SGCZ: variants seen among roughly 807,000 people sequenced by gnomAD.
The protein encoded by SGCZ is zeta-sarcoglycan.
SGCZ carries 40 observed loss-of-function variants against 41.3 expected under a neutral mutation model. That is an observed-to-expected ratio of 0.97 (90% CI 0.75 to 1.26). SGCZ has a LOEUF of 1.26. SGCZ is among the 50% of genes most tolerant of loss of function. SGCZ has a pLI of 0.00. For synonymous variants in SGCZ, 206 were observed against 137.5 expected, an observed-to-expected ratio of 1.50 and a Z score of -3.49; for missense variants, 552 against 369.8, an observed-to-expected ratio of 1.49 and a Z score of -4.04.
chr8:14,817,096 C>G (rs1801927374), intron 1 of SGCZ, among the ~76,000 whole-genome samples: 1 of 152,136 alleles, frequency 6.6e-6, no homozygotes, highest in African/African-American at 2.4e-5. Context: ...GGTTCATCTC[C>G]CCTTCCCAGT....
chr8:14,808,996 C>T (rs1030327220), intron 1 of SGCZ, among the ~76,000 whole-genome samples: 14 of 150,668 alleles, frequency 9.3e-5, no homozygotes, highest in Middle Eastern at 3.4e-3. Flanking sequence ...AACCAAACAC[C>T]GCATATTCTC....
At chr8:14,321,331 G>C (rs1278882678) in intron 3 of SGCZ, among the ~76,000 whole-genome samples, 3 of 152,006 alleles carry the variant, frequency 2.0e-5, no homozygotes, top group African/African-American at 7.2e-5. Flanking sequence ...CTGAAGAAGG[G>C]TGTGAATTGC....
intron 2 of SGCZ, among the ~76,000 whole-genome samples, chr8:14,392,914 T>C (rs906388500): frequency 1.3e-5 from 2 of 152,182 alleles, no homozygotes; most frequent in Admixed American, 6.6e-5. Flanking sequence ...TTTATATTTT[T>C]ACCCTTTTAA....
intron 2 of SGCZ, among the ~76,000 whole-genome samples, chr8:14,494,139 T>C (rs1423306060): frequency 1.3e-5 from 2 of 152,084 alleles, no homozygotes; most frequent in East Asian, 1.9e-4. Context: ...TCACTGTTTC[T>C]ATGAAAAAAG....
intron 5 of SGCZ, among the ~76,000 whole-genome samples, chr8:14,108,473 C>A (rs901850543): frequency 1.3e-5 from 2 of 152,014 alleles, no homozygotes; most frequent in Non-Finnish European, 2.9e-5. Flanking sequence ...TGGCGGGAGG[C>A]AACAGGCACT....
At chr8:14,150,470 A>T (rs929315200) in intron 5 of SGCZ, among the ~76,000 whole-genome samples, 1 of 152,188 alleles carries the variant, frequency 6.6e-6, no homozygotes, top group Non-Finnish European at 1.5e-5. Context: ...CTACAAGGAG[A>T]TGTCATCTTA....
intron 1 of SGCZ, among the ~76,000 whole-genome samples, chr8:15,212,778 T>C (rs1801275673): frequency 6.6e-6 from 1 of 152,068 alleles, no homozygotes; most frequent in African/African-American, 2.4e-5. Flanking sequence ...AGACATATTT[T>C]CTCAAAGTAC....
At chr8:14,523,291 TTTA>T (rs1462742440) in intron 2 of SGCZ, among the ~76,000 whole-genome samples, 1 of 151,990 alleles carries the variant, frequency 6.6e-6, no homozygotes, top group African/African-American at 2.4e-5. Context: ...TCATTTCCCT[TTTA>T]TTATTTTATT....
rs527681155 is a variant in SGCZ, at chr8:14,347,944, T to A, written c.235-23740A>T. Among the ~76,000 whole-genome samples the A allele has an allele frequency of 2.6e-5, 4 of 152,292 alleles. No homozygotes were observed. In the East Asian group the frequency reaches 7.7e-4, roughly 29 times the overall value. The stretch of plus-strand genomic sequence containing the variant: ...CTAAACTGAGAATATAGCATTAAAA[T>A]GTACTTTGCAACTCCCTCTTTCTCT... On this transcript the variant is annotated intron_variant, in intron 2 of 7. Coordinates refer to ENST00000382080, the MANE Select transcript of SGCZ (RefSeq NM_139167.4).
chr8:14,567,023 G>A (rs1434164626), intron 1 of SGCZ, among the ~76,000 whole-genome samples: 1 of 152,228 alleles, frequency 6.6e-6, no homozygotes, highest in African/African-American at 2.4e-5. Context: ...CCCCAGCAGT[G>A]CCGGCTCCCC....
At chr8:15,232,364 A>G (rs1801970332) in intron 1 of SGCZ, among the ~76,000 whole-genome samples, 1 of 152,126 alleles carries the variant, frequency 6.6e-6, no homozygotes, top group South Asian at 2.1e-4. Flanking sequence ...TCAATTGGTA[A>G]ACTCTGGAGA....
intron 1 of SGCZ, among the ~76,000 whole-genome samples, chr8:15,113,174 A>G (rs1294740404): frequency 2.7e-5 from 4 of 150,364 alleles, no homozygotes; most frequent in Non-Finnish European, 5.9e-5. Context: ...ACGCCACTGC[A>G]CTCTAGCCTG....
intron 1 of SGCZ, among the ~76,000 whole-genome samples, chr8:15,203,572 T>C (rs1274694674): frequency 6.6e-6 from 1 of 152,208 alleles, no homozygotes; most frequent in Non-Finnish European, 1.5e-5. Context: ...CGGTTTGATT[T>C]AGAAGACTAA....
intron 1 of SGCZ, among the ~76,000 whole-genome samples, chr8:14,719,197 G>A (rs1397205969): frequency 6.7e-6 from 1 of 149,434 alleles, no homozygotes; most frequent in African/African-American, 2.5e-5. Flanking sequence ...CATTTTTTAT[G>A]GCTGCATAGT....
rs565416806 is a variant in SGCZ, at chr8:14,769,793, T to TAAAAAAAAAAAAAA, written c.40-214881_40-214868dup. Among the ~76,000 whole-genome samples the TAAAAAAAAAAAAAA allele has an allele frequency of 3.3e-3, 174 of 52,052 alleles. 1 individual carries two copies. The highest frequency in any genetic ancestry group is 6.9e-3 in the East Asian group (13 of 1,886). 34.1% of individuals were successfully genotyped at this position (52,052 alleles called of 152,430 possible). A position where few individuals can be genotyped will look rare whatever the true frequency, so the allele number is the denominator to read the frequency against. The stretch of plus-strand genomic sequence containing the variant: ...CTGGGCGACAAGAGCAAAACACCAT[T>TAAAAAAAAAAAAAA]AAAAAAAAAAAAAAAAAAAAAACCC... On this transcript the variant is annotated intron_variant, in intron 1 of 7. Transcript: ENST00000382080.
At chr8:14,707,863 G>A (rs992148299) in intron 1 of SGCZ, among the ~76,000 whole-genome samples, 7 of 151,950 alleles carry the variant, frequency 4.6e-5, no homozygotes, top group Non-Finnish European at 8.8e-5. Context: ...TGATTAACTC[G>A]AATTTAAAAT....
chr8:14,647,369 T>C (rs1368069294), intron 1 of SGCZ, among the ~76,000 whole-genome samples: 1 of 152,038 alleles, frequency 6.6e-6, no homozygotes, highest in Non-Finnish European at 1.5e-5. Flanking sequence ...TAAAAGGACA[T>C]ACATTAGTAA....
chr8:15,081,265 A>G (rs1805737336), intron 1 of SGCZ, among the ~76,000 whole-genome samples: 1 of 152,152 alleles, frequency 6.6e-6, no homozygotes. Flanking sequence ...TTCCGCATTT[A>G]CAGTGTGATT....
At chr8:15,221,749 C>A (rs1199651890) in intron 1 of SGCZ, among the ~76,000 whole-genome samples, 1 of 152,018 alleles carries the variant, frequency 6.6e-6, no homozygotes, top group African/African-American at 2.4e-5. Flanking sequence ...TTTTTTTAAA[C>A]AAAATTTAAC....
Sources: allele counts gnomAD v4.1 joint callset (sites outside exome capture counted in the v4.1 genomes callset), GRCh38; gene constraint gnomAD v4.1.1; transcripts MANE v1.5; gene names NCBI Gene and HGNC (gene_info 2026-07-23, HGNC 2026-07-21).